LOXHD1: variants seen among roughly 807,000 people sequenced by gnomAD.
LOXHD1 encodes the protein lipoxygenase homology domain-containing protein 1.
A neutral mutation model predicts 248.2 loss-of-function variants in LOXHD1; 205 were observed. The observed-to-expected ratio is 0.83, with a 90% CI of 0.74 to 0.93. The LOEUF (loss-of-function observed/expected upper bound fraction) is 0.93. LOXHD1 is among the 40% of genes least tolerant of loss of function. LOXHD1 has a pLI of 0.00. For synonymous variants in LOXHD1, 1,113 were observed against 1,162.8 expected (o/e 0.96, Z 0.87); for missense variants, 2,930 against 2,971.6 (o/e 0.99, Z 0.33).
intron 12 of LOXHD1, among the ~76,000 whole-genome samples, chr18:46,587,547 C>T (rs187109988): frequency 2.6e-5 from 4 of 152,254 alleles, no homozygotes; most frequent in East Asian, 3.9e-4. Flanking sequence ...ATGGATGTCC[C>T]GAGCTCCTTC....
chr18:46,601,563 CCCT>C, intron 7 of LOXHD1, 96 bp from the exon 8 acceptor site: 26 of 1,489,274 alleles, frequency 1.7e-5, no homozygotes, highest in Non-Finnish European at 2.3e-5. Flanking sequence ...ACCCCCAAAG[CCCT>C]CCTCCTCCAC....
intron 12 of LOXHD1, among the ~76,000 whole-genome samples, chr18:46,591,582 G>A (rs115725510): frequency 3.3e-4 from 51 of 152,242 alleles, no homozygotes; most frequent in African/African-American, 1.2e-3. Context: ...TTTTCTTTTG[G>A]GGAACATTTC....
At chr18:46,538,048 T>C (rs2036391075) in intron 26 of LOXHD1, 108 bp downstream of exon 26, 8 of 1,003,358 alleles carry the variant, frequency 8.0e-6, no homozygotes, top group Admixed American at 2.5e-5. Flanking sequence ...TCCTCTCTAA[T>C]AGCAGTGCAT....
rs72915445 is a variant in LOXHD1, at chr18:46,639,451, A to G, written c.511+165T>C. 0.11 allele frequency among the ~76,000 whole-genome samples: 16,926 copies of G among 152,258 alleles called. 1,024 individuals are homozygous for G. Among genetic ancestry groups the G allele is most frequent in the Middle Eastern group, 0.18 (54 of 294 alleles). On this transcript the variant is annotated intron_variant, in intron 4 of 40. Coordinates refer to ENST00000642948, the MANE Select transcript of LOXHD1 (RefSeq NM_001384474.1). ...AAAAAGTTGCCCATAGGAAGACCCC[A>G]GGAAGATATGGGGCTTCCCCTTGGC...
At position 46,477,406 on chromosome 18, in the gene LOXHD1, C is replaced by A; in HGVS notation, c.*66G>T. ...CTAGAGGCTTTGAAGGGCTGCTGAC[C>A]GCCAAGGTGGAGGGCAGAAATGTGA... is the stretch of plus-strand genomic sequence containing the variant. On this transcript the variant is annotated 3_prime_UTR_variant, in exon 41 of 41. Coordinates refer to ENST00000642948, the MANE Select transcript of LOXHD1 (RefSeq NM_001384474.1). The A allele has an allele frequency of 6.6e-7, 1 of 1,526,128 alleles. No homozygotes were observed. Among genetic ancestry groups the A allele is most frequent in the Non-Finnish European group, 8.8e-7 (1 of 1,133,278 alleles). The allele number at this position is 1,526,128 out of a possible 1,614,324, so 94.5% of individuals were successfully genotyped here.
chr18:46,642,447 G>GC (rs76788172), intron 2 of LOXHD1, among the ~76,000 whole-genome samples: 15,247 of 152,196 alleles, frequency 0.1, 1,022 homozygotes, highest in East Asian at 0.33. Flanking sequence ...TGGCCTTCTT[G>GC]CCACTCCCCA....
intron 21 of LOXHD1, among the ~76,000 whole-genome samples, chr18:46,553,821 T>C (rs1472809157): frequency 2.0e-5 from 3 of 152,060 alleles, no homozygotes; most frequent in African/African-American, 7.2e-5. Context: ...AAGGTGACAT[T>C]TGAGCAGAGG....
Position 46,641,925 on chromosome 18 carries a change from C to T in LOXHD1, c.326+31G>A, listed in dbSNP as rs957030729. On this transcript the variant is annotated intron_variant, in intron 3 of 40. Coordinates refer to ENST00000642948, the MANE Select transcript of LOXHD1 (RefSeq NM_001384474.1). ...GTCAATCCCTCACTTTCATCTCCAC[C>T]CTCAATCCTAGTCAGGCGCCAGCTT... is the stretch of plus-strand genomic sequence containing the variant. 2.6e-6 allele frequency: 4 copies of T among 1,543,128 alleles called. No individual in the cohort carries two copies. The African/African-American group carries it at 5.5e-5, about 21-fold the overall frequency.
At chr18:46,611,384 G>A (rs2038506277) in intron 5 of LOXHD1, among the ~76,000 whole-genome samples, 1 of 152,122 alleles carries the variant, frequency 6.6e-6, no homozygotes, top group Non-Finnish European at 1.5e-5. Flanking sequence ...ATAGTTTTGG[G>A]TTTTACTCTC....
chr18:46,601,562 GC>G, intron 7 of LOXHD1, 95 bp from the exon 8 acceptor site: 1 of 1,497,854 alleles, frequency 6.7e-7, no homozygotes, highest in Non-Finnish European at 9.1e-7. Context: ...CACCCCCAAA[GC>G]CCTCCTCCTC....
chr18:46,496,514 GA>G (rs899625296), intron 37 of LOXHD1, among the ~76,000 whole-genome samples: 5 of 151,824 alleles, frequency 3.3e-5, no homozygotes, highest in Admixed American at 1.3e-4. Flanking sequence ...AAGGTATCTT[GA>G]AAAAAAATTA....
intron 40 of LOXHD1, among the ~76,000 whole-genome samples, 157 bp downstream of exon 40, chr18:46,483,430 G>T (rs146657703): frequency 6.1e-4 from 93 of 152,282 alleles, no homozygotes; most frequent in African/African-American, 2.2e-3. Flanking sequence ...GCATACAGCT[G>T]TCTCTTCCCT....
intron 21 of LOXHD1, among the ~76,000 whole-genome samples, chr18:46,549,900 A>G (rs1598978522): frequency 6.6e-6 from 1 of 152,362 alleles, no homozygotes; most frequent in East Asian, 1.9e-4. Context: ...ATGTGGATGA[A>G]ACCCAGGACA....
intron 25 of LOXHD1, 79 bp downstream of exon 25, chr18:46,541,697 A>G: frequency 1.3e-6 from 2 of 1,489,026 alleles, no homozygotes; most frequent in South Asian, 2.4e-5. Flanking sequence ...TCAATCCTGA[A>G]GGAAGAACTG....
At chr18:46,560,665 G>GCCCCA in intron 18 of LOXHD1, 120 bp from the exon 19 acceptor site, 3 of 922,888 alleles carry the variant, frequency 3.3e-6, no homozygotes, top group Non-Finnish European at 4.8e-6. Context: ...GGATGGAGAG[G>GCCCCA]GCTGGGGCCT....
At chr18:46,548,284 A>G (rs928025849) in intron 21 of LOXHD1, among the ~76,000 whole-genome samples, 3 of 152,140 alleles carry the variant, frequency 2.0e-5, no homozygotes, top group African/African-American at 7.2e-5. Context: ...CACAAGGGCC[A>G]CTCAGGGACT....
intron 5 of LOXHD1, among the ~76,000 whole-genome samples, chr18:46,613,736 T>A (rs1599050226): frequency 6.6e-6 from 1 of 152,314 alleles, no homozygotes; most frequent in East Asian, 1.9e-4. Context: ...TATTTCTAGT[T>A]TTCTATGGGT....
At chr18:46,620,193 C>T (rs979734032) in intron 4 of LOXHD1, among the ~76,000 whole-genome samples, 3 of 152,234 alleles carry the variant, frequency 2.0e-5, no homozygotes, top group African/African-American at 7.2e-5. Flanking sequence ...GGCCGCCCCC[C>T]AGCCTTGATT....
Position 46,483,612 on chromosome 18 carries a change from T to G in LOXHD1, c.6316A>C (p.Ile2106Leu). 2 of 1,551,640 alleles carry G rather than the reference T, an allele frequency of 1.3e-6. No homozygotes were observed. Among genetic ancestry groups the G allele is most frequent in the Non-Finnish European group, 1.7e-6 (2 of 1,146,994 alleles). Residue 2106 changes from isoleucine (I) to leucine (L), a missense_variant, in exon 40 of 41, where the codon ATC becomes CTC. Physicochemically the swap from Ile to Leu is conservative, Grantham distance 5. Transcript: ENST00000642948. ...ACATTGCCGTACTCCATCTCGGTGA[T>G]GGTGATGGTCTTGACATGCCAGGCA... ...ELAWHVKTIT[I>L]TEMEYGNVYF...
Sources: gnomAD v4.1 joint callset for allele counts (sites outside exome capture counted in the v4.1 genomes callset) on GRCh38, gnomAD v4.1.1 for gene constraint, MANE v1.5 for transcripts, NCBI Gene and HGNC (gene_info 2026-07-23, HGNC 2026-07-21) for gene names.